PARD3B: variants seen among roughly 807,000 people sequenced by gnomAD.
PARD3B encodes the protein partitioning defective 3 homolog B.
Under a neutral mutation model 130.2 loss-of-function variants are expected in PARD3B, and 103 were observed. The ratio of observed to expected loss-of-function variants is 0.79; its 90% CI spans 0.67 to 0.93. The LOEUF is 0.93. Among genes scored for constraint, PARD3B ranks in the 40% least tolerant of loss-of-function variants. The pLI is 0.00. For synonymous variants in PARD3B, 583 were observed against 553.2 expected, an observed-to-expected ratio of 1.05 and a Z score of -0.76; for missense variants, 1,609 against 1,499.2, an observed-to-expected ratio of 1.07 and a Z score of -1.21.
chr2:204,618,477 C>T (rs1228693374), intron 1 of PARD3B, among the ~76,000 whole-genome samples: 1 of 152,128 alleles, frequency 6.6e-6, no homozygotes, highest in Non-Finnish European at 1.5e-5. Context: ...GTGGTTGGAA[C>T]ACTGTGATCA....
chr2:204,788,485 C>T (rs1350818394), intron 2 of PARD3B, among the ~76,000 whole-genome samples: 1 of 152,192 alleles, frequency 6.6e-6, no homozygotes, highest in Non-Finnish European at 1.5e-5. Context: ...ATATTATAAG[C>T]CACCCAGGTG....
chr2:205,097,642 C>A (rs1028005053), intron 4 of PARD3B, among the ~76,000 whole-genome samples: 2 of 152,110 alleles, frequency 1.3e-5, no homozygotes, highest in African/African-American at 4.8e-5. Flanking sequence ...GCATTGAGTG[C>A]GGGGCCCAGC....
rs62173222 is a variant in PARD3B at position 205,523,962 on chromosome 2, G to A, written c.3180+23931G>A. 5.6e-3 allele frequency among the ~76,000 whole-genome samples: 844 copies of A among 151,706 alleles called. 2 individuals carry two copies. Among genetic ancestry groups the A allele is most frequent in the Middle Eastern group, 0.01 (3 of 292 alleles). On this transcript the variant is annotated intron_variant, in intron 21 of 22. Transcript: ENST00000406610. ...TCTGGTGGTTTGAAGTTTGAAGTAC[G>A]TAACAAATTTTTTTTTACCTCAATG...
chr2:205,253,193 C>A lies in PARD3B; in HGVS notation c.2185+7371C>A. ...TTACAGGTTAGGACCAGCTTTTCTG[C>A]AGGTGTTGACCAGCAATTTCCTGCG... On this transcript the variant is annotated intron_variant, in intron 16 of 22. Transcript: ENST00000406610. This position sits in a 1 kb window ranked among gnomAD's most constrained non-coding sequence, Gnocchi z 4.4. The A allele has an allele frequency of 2.5e-6, 1 of 392,688 alleles. No individual in the cohort carries two copies. Among genetic ancestry groups the A allele is most frequent in the East Asian group, 6.7e-5 (1 of 14,884 alleles). 24.3% of individuals were successfully genotyped at this position (392,688 alleles called of 1,614,324 possible). A position where few individuals can be genotyped will look rare whatever the true frequency, so the allele number is the denominator to read the frequency against.
chr2:205,474,355 GT>G (rs1235318381), intron 20 of PARD3B, among the ~76,000 whole-genome samples: 1 of 151,904 alleles, frequency 6.6e-6, no homozygotes, highest in Non-Finnish European at 1.5e-5. Context: ...TTGTTTCTGT[GT>G]TTATCACTGC....
intron 2 of PARD3B, among the ~76,000 whole-genome samples, chr2:204,830,930 T>G (rs2043795705): frequency 6.6e-6 from 1 of 152,350 alleles, no homozygotes; most frequent in Admixed American, 6.5e-5. Flanking sequence ...GCAAATGTGC[T>G]TTAGAATAAA....
intron 16 of PARD3B, among the ~76,000 whole-genome samples, chr2:205,255,100 A>G (rs922306070): frequency 1.3e-5 from 2 of 151,804 alleles, no homozygotes; most frequent in African/African-American, 4.8e-5. Context: ...TTACTCTCTG[A>G]CCATATTTTG....
intron 13 of PARD3B, among the ~76,000 whole-genome samples, chr2:205,178,404 G>A (rs1365672844): frequency 2.0e-5 from 3 of 152,020 alleles, no homozygotes; most frequent in Non-Finnish European, 4.4e-5. Context: ...AGTGAGCCAA[G>A]ATCGTGCCAC....
rs1409309459 is a variant in PARD3B at position 205,617,810 on chromosome 2, G to A, written c.*1997G>A. On this transcript the variant is annotated 3_prime_UTR_variant, in exon 23 of 23. Transcript: ENST00000406610. Reference sequence around the variant, plus strand: ...TACACCTTAAGGAAAATGATAACACGAGGGACGTGTAACTTGTTTTGAAGC... The same window carrying A: ...TACACCTTAAGGAAAATGATAACACAAGGGACGTGTAACTTGTTTTGAAGC... The A allele has an allele frequency of 2.0e-5, 3 of 152,180 alleles. No homozygotes were observed. The highest frequency in any genetic ancestry group is 6.5e-5 in the Admixed American group (1 of 15,274). The allele number at this position is 152,180 out of a possible 1,614,324, so 9.4% of individuals were successfully genotyped here.
intron 21 of PARD3B, among the ~76,000 whole-genome samples, chr2:205,515,760 G>GTTGA (rs2050770187): frequency 1.3e-5 from 2 of 152,108 alleles, no homozygotes; most frequent in African/African-American, 4.8e-5. Flanking sequence ...TGTTTACTCT[G>GTTGA]TTGATAGCTT....
intron 10 of PARD3B, among the ~76,000 whole-genome samples, chr2:205,127,389 T>A (rs976884623): frequency 1.3e-5 from 2 of 152,060 alleles, no homozygotes; most frequent in African/African-American, 4.8e-5. Context: ...AAAGGACTTG[T>A]ATTTACTCCT....
rs1349938371 is a variant in PARD3B at position 205,292,395 on chromosome 2, G to A, written c.2186-8135G>A. Among the ~76,000 whole-genome samples the A allele has an allele frequency of 6.6e-6, 1 of 152,122 alleles. No individual in the cohort carries two copies. Among genetic ancestry groups the A allele is most frequent in the African/African-American group, 2.4e-5 (1 of 41,428 alleles). On this transcript the variant is annotated intron_variant, in intron 16 of 22. Transcript: ENST00000406610. This position sits in a 1 kb window ranked among gnomAD's most constrained non-coding sequence, Gnocchi z 5.3. ...CAGCACCTTGATCTTGAACTTCCCA[G>A]CCTCCAGAACTGCGAGAAAATTCCA...
chr2:205,170,201 G>T (rs1307025418), intron 11 of PARD3B, among the ~76,000 whole-genome samples: 1 of 152,074 alleles, frequency 6.6e-6, no homozygotes, highest in East Asian at 1.9e-4. Context: ...GAGTGCTGGG[G>T]TTACAGGTGT....
At chr2:204,859,229 C>T (rs554028475) in intron 2 of PARD3B, among the ~76,000 whole-genome samples, 7 of 151,840 alleles carry the variant, frequency 4.6e-5, no homozygotes, top group African/African-American at 7.2e-5. Context: ...TAGTGGTATT[C>T]GGAAGTATTC....
At chr2:205,020,750 C>G (rs1369811365) in intron 3 of PARD3B, among the ~76,000 whole-genome samples, 1 of 152,132 alleles carries the variant, frequency 6.6e-6, no homozygotes, top group Non-Finnish European at 1.5e-5. Context: ...GCTGGCATCT[C>G]CCTCACTTCA....
chr2:204,622,730 C>T (rs987016899), intron 1 of PARD3B, among the ~76,000 whole-genome samples: 4 of 151,992 alleles, frequency 2.6e-5, no homozygotes, highest in Non-Finnish European at 5.9e-5. Flanking sequence ...ATAGTAATGA[C>T]AAGGCCAGCT....
At position 204,906,935 on chromosome 2, in the gene PARD3B, TA is replaced by T. The variant is rs1041924062; in HGVS notation, c.223-58212del. 1.3e-5 allele frequency among the ~76,000 whole-genome samples: 2 copies of T among 152,192 alleles called. No homozygotes were observed. The highest frequency in any genetic ancestry group is 6.5e-5 in the Admixed American group (1 of 15,282). On this transcript the variant is annotated intron_variant, in intron 2 of 22. Coordinates refer to ENST00000406610, the MANE Select transcript of PARD3B (RefSeq NM_001302769.2). The surrounding 1 kb of genome is among the most constrained non-coding windows in gnomAD (Gnocchi z 4.3). ...CATTTTTGTGGAGAATTGGGTGTATTAAAAAGTAGAAGCAAAGATGCTGATT... is the reference window on the plus strand; with the variant it reads ...CATTTTTGTGGAGAATTGGGTGTATTAAAAGTAGAAGCAAAGATGCTGATT...
chr2:205,387,864 C>T (rs186405525), intron 18 of PARD3B, among the ~76,000 whole-genome samples: 2 of 152,274 alleles, frequency 1.3e-5, no homozygotes, highest in Non-Finnish European at 2.9e-5. Context: ...TTCCCTGCAC[C>T]TTCCAGAGCC....
intron 2 of PARD3B, among the ~76,000 whole-genome samples, chr2:204,692,698 C>G (rs1386467662): frequency 1.3e-5 from 2 of 151,882 alleles, no homozygotes; most frequent in East Asian, 3.9e-4. Flanking sequence ...AGCACAAAAG[C>G]ACATAGAAGA....
Sources: gnomAD v4.1 joint callset for allele counts (sites outside exome capture counted in the v4.1 genomes callset) on GRCh38, gnomAD v4.1.1 for gene constraint, Gnocchi (gnomAD v3.1) non-coding constraint, MANE v1.5 for transcripts, NCBI Gene and HGNC (gene_info 2026-07-23, HGNC 2026-07-21) for gene names.